Variants in UBE2E1 observed in about 807,000 individuals in gnomAD.
UBE2E1 encodes ubiquitin conjugating enzyme E2 E1, also known as ubiquitin-conjugating enzyme E2 E1.
A neutral mutation model predicts 21.4 loss-of-function variants in UBE2E1; 6 were observed. The observed-to-expected ratio is 0.28, with a 90% CI of 0.15 to 0.55. UBE2E1 has a LOEUF of 0.55. UBE2E1 is among the 20% of genes least tolerant of loss of function. The probability of loss-of-function intolerance (pLI) is 0.93; values close to 1 mark genes in which losing one functional copy is unlikely to be tolerated. For missense variants in UBE2E1, 142 were observed against 236.5 expected (o/e 0.60, Z 2.62); for synonymous variants, 87 against 82.7 (o/e 1.05, Z -0.28).
At chr3:23,856,029 T>C (rs1393671308) in intron 3 of UBE2E1, among the ~76,000 whole-genome samples, 3 of 151,980 alleles carry the variant, frequency 2.0e-5, no homozygotes, top group Non-Finnish European at 4.4e-5. Context: ...CTGTGTGGTT[T>C]TTCTTTTCTT....
intron 3 of UBE2E1, among the ~76,000 whole-genome samples, chr3:23,879,681 CGGA>C (rs1228189702): frequency 2.0e-5 from 3 of 152,210 alleles, no homozygotes; most frequent in Non-Finnish European, 4.4e-5. Flanking sequence ...TGGGCCGCGG[CGGA>C]GGACAGGGCA....
Position 23,891,590 on chromosome 3 carries a change from A to G in UBE2E1, c.*984A>G, listed in dbSNP as rs546401655. 2 of 152,336 alleles carry G rather than the reference A, an allele frequency of 1.3e-5. No homozygotes were observed. The highest frequency in any genetic ancestry group is 4.8e-5 in the African/African-American group (2 of 41,570). The allele number at this position is 152,336 out of a possible 1,614,324, so 9.4% of individuals were successfully genotyped here. ...TTGCAGATGCTGTAGTAGCAAGTAC[A>G]TGAGAAATGGGTTCCGTCATGGATA... On this transcript the variant is annotated 3_prime_UTR_variant, in exon 6 of 6. Transcript: ENST00000306627.
chr3:23,871,708 G>A (rs1458854206), intron 3 of UBE2E1, among the ~76,000 whole-genome samples: 1 of 151,770 alleles, frequency 6.6e-6, no homozygotes, highest in Non-Finnish European at 1.5e-5. Context: ...TCGCGGCCGG[G>A]TAGAGGTGCT....
chr3:23,879,317 T>C, intron 3 of UBE2E1: 2 of 789,750 alleles, frequency 2.5e-6, no homozygotes, highest in Non-Finnish European at 4.0e-6. Flanking sequence ...TTGCCAAGAT[T>C]ACCTTAATTT....
chr3:23,850,968 G>T (rs564476276), intron 3 of UBE2E1, among the ~76,000 whole-genome samples: 2 of 151,800 alleles, frequency 1.3e-5, no homozygotes, highest in Non-Finnish European at 2.9e-5. Context: ...TTACAGGCAT[G>T]AGCCACCATG....
At position 23,829,539 on chromosome 3, in the gene UBE2E1, C is replaced by T. The variant is rs1418251110; in HGVS notation, c.203+18029C>T. On this transcript the variant is annotated intron_variant, in intron 3 of 5. Coordinates refer to ENST00000306627, the MANE Select transcript of UBE2E1 (RefSeq NM_003341.5). ...CTAGTCTCAAACTCCTGGTCTCAAG[C>T]AGTCCTTCTGCCTCAACCTCCCAAA... is the stretch of plus-strand genomic sequence containing the variant. 2.6e-5 allele frequency among the ~76,000 whole-genome samples: 4 copies of T among 152,024 alleles called. No individual in the cohort carries two copies. The East Asian group carries it at 7.7e-4, about 29-fold the overall frequency.
intron 3 of UBE2E1, among the ~76,000 whole-genome samples, chr3:23,846,698 CAA>C (rs10662469): frequency 7.8e-5 from 7 of 89,840 alleles, no homozygotes; most frequent in East Asian, 3.8e-4. Context: ...TCCATCTCAT[CAA>C]AAAAAAAAAA....
chr3:23,878,522 T>C (rs1700967963), intron 3 of UBE2E1, among the ~76,000 whole-genome samples: 1 of 152,212 alleles, frequency 6.6e-6, no homozygotes, highest in Non-Finnish European at 1.5e-5. Context: ...GAGCAGTGGG[T>C]GGGCAGGCCG....
At position 23,870,726 on chromosome 3, in the gene UBE2E1, G is replaced by A. The variant is rs1700765629; in HGVS notation, c.204-16841G>A. Among the ~76,000 whole-genome samples the A allele has an allele frequency of 6.6e-6, 1 of 151,854 alleles. No homozygotes were observed. The highest frequency in any genetic ancestry group is 1.5e-5 in the Non-Finnish European group (1 of 67,992). ...ATCATTCTTGGGTGTTTCTCGCAGA[G>A]GGGTATTTGGCAGGGTCATAGGACA... is the stretch of plus-strand genomic sequence containing the variant. On this transcript the variant is annotated intron_variant, in intron 3 of 5. Transcript: ENST00000306627. The surrounding 1 kb of genome is among the most constrained non-coding windows in gnomAD (Gnocchi z 4.2).
At chr3:23,889,429 A>G in intron 5 of UBE2E1, 170 bp downstream of exon 5, 1 of 1,462,400 alleles carries the variant, frequency 6.8e-7, no homozygotes, top group Non-Finnish European at 9.0e-7. Context: ...TAGTTGAGAC[A>G]CACAACTTCA....
chr3:23,814,207 G>C (rs1180765721), intron 3 of UBE2E1, among the ~76,000 whole-genome samples: 6 of 152,122 alleles, frequency 3.9e-5, no homozygotes, highest in African/African-American at 1.4e-4. Context: ...CTTGAAGGAA[G>C]GTGCACTGTT....
chr3:23,855,625 C>G (rs975161540), intron 3 of UBE2E1, among the ~76,000 whole-genome samples: 1 of 151,948 alleles, frequency 6.6e-6, no homozygotes, highest in Admixed American at 6.6e-5. Flanking sequence ...GTCAGGAGAT[C>G]GAGACCATCC....
chr3:23,848,860 C>T (rs1400076450), intron 3 of UBE2E1, among the ~76,000 whole-genome samples: 1 of 152,196 alleles, frequency 6.6e-6, no homozygotes, highest in Non-Finnish European at 1.5e-5. Context: ...GCCTAATAAG[C>T]AGTGAAGACC....
rs141335335 is a variant in UBE2E1 at position 23,889,054 on chromosome 3, ATATT to A, written c.337-55_337-52del. 863 of 1,524,298 alleles carry A rather than the reference ATATT, an allele frequency of 5.7e-4. 4 individuals carry two copies. The East Asian group carries it at 0.015, about 27-fold the overall frequency. 94.4% of individuals were successfully genotyped at this position (1,524,298 alleles called of 1,614,324 possible). On this transcript the variant is annotated intron_variant, in intron 4 of 5. Coordinates refer to ENST00000306627, the MANE Select transcript of UBE2E1 (RefSeq NM_003341.5). ...ACCTTCTTAAGGGTCATTCAGTTGA[ATATT>A]TAGTAACAAGTTTGTTTGCTGTTTA...
chr3:23,834,594 T>C (rs1276034443), intron 3 of UBE2E1, among the ~76,000 whole-genome samples: 1 of 152,206 alleles, frequency 6.6e-6, no homozygotes, highest in Non-Finnish European at 1.5e-5. Flanking sequence ...CCAGGTGCCA[T>C]GGTTCAAGCC....
chr3:23,851,768 C>A (rs1700329916), intron 3 of UBE2E1, among the ~76,000 whole-genome samples: 1 of 152,076 alleles, frequency 6.6e-6, no homozygotes, highest in Admixed American at 6.6e-5. Context: ...GCACTTCAGC[C>A]TGGGTGACAG....
chr3:23,828,638 G>A (rs1343839218), intron 3 of UBE2E1, among the ~76,000 whole-genome samples: 1 of 152,204 alleles, frequency 6.6e-6, no homozygotes, highest in Non-Finnish European at 1.5e-5. Context: ...ATTTATGGGT[G>A]TCTGTGTGTG....
At chr3:23,831,327 T>C (rs1477707713) in intron 3 of UBE2E1, among the ~76,000 whole-genome samples, 2 of 152,116 alleles carry the variant, frequency 1.3e-5, no homozygotes, top group Non-Finnish European at 2.9e-5. Context: ...ACAGCCTGCC[T>C]GAAGAACATG....
intron 3 of UBE2E1, among the ~76,000 whole-genome samples, chr3:23,837,300 G>T (rs778269672): frequency 2.1e-4 from 32 of 152,138 alleles, no homozygotes; most frequent in Non-Finnish European, 3.1e-4. Context: ...GAAAGTTTGG[G>T]AGCCAGAATT....
Sources: allele counts gnomAD v4.1 joint callset (sites outside exome capture counted in the v4.1 genomes callset), GRCh38; gene constraint gnomAD v4.1.1; non-coding constraint Gnocchi (gnomAD v3.1); transcripts MANE v1.5; gene names NCBI Gene and HGNC (gene_info 2026-07-23, HGNC 2026-07-21).